Variants in KBTBD11 observed in about 807,000 individuals in gnomAD.
KBTBD11 encodes the protein kelch repeat and BTB domain containing 11, also known as kelch repeat and BTB domain-containing protein 11.
For missense variants in KBTBD11, 1,390 were observed against 1,001.8 expected (o/e 1.39, Z -5.23); for synonymous variants, 747 against 499.0 (o/e 1.50, Z -6.63).
At position 2,006,649 on chromosome 8, in the gene KBTBD11, C is replaced by A. The variant is rs956958993; in HGVS notation, c.*3585C>A. ...GTGCTGGCAGGAGCTTCAGACACGC[C>A]AAGTGGATGGATTTGGATTGAACGC... On this transcript the variant is annotated 3_prime_UTR_variant, in exon 2 of 2. Coordinates refer to ENST00000320248, the MANE Select transcript of KBTBD11 (RefSeq NM_014867.3). 1 of 167,102 alleles carries A rather than the reference C, an allele frequency of 6.0e-6. No individual in the cohort carries two copies. Among genetic ancestry groups the A allele is most frequent in the Non-Finnish European group, 1.5e-5 (1 of 68,130 alleles). The allele number at this position is 167,102 out of a possible 1,614,324, so 10.4% of individuals were successfully genotyped here. A position where few individuals can be genotyped will look rare whatever the true frequency, so the allele number is the denominator to read the frequency against.
rs542057336 is a variant in KBTBD11 at position 2,003,769 on chromosome 8, G to A, written c.*705G>A. ...GACCGAGGGGGCTTTCATATTTTCA[G>A]TTGAAAGGATGTTAACTGATGTAGC... On this transcript the variant is annotated 3_prime_UTR_variant, in exon 2 of 2. Transcript: ENST00000320248. The A allele has an allele frequency of 6.0e-6, 1 of 167,140 alleles. No homozygotes were observed. Among genetic ancestry groups the A allele is most frequent in the South Asian group, 2.1e-4 (1 of 4,824 alleles). The allele number at this position is 167,140 out of a possible 1,614,324, so 10.4% of individuals were successfully genotyped here.
chr8:1,984,580 C>T (rs879298700), intron 1 of KBTBD11, among the ~76,000 whole-genome samples: 3 of 152,018 alleles, frequency 2.0e-5, no homozygotes, highest in Non-Finnish European at 4.4e-5. Context: ...AGCCTCCACG[C>T]GTGGCCCCGT....
chr8:2,002,216 C>T lies in KBTBD11; in HGVS notation c.1024C>T (p.Arg342Trp). The T allele has an allele frequency of 7.9e-7, 1 of 1,261,312 alleles. No homozygotes were observed. The highest frequency in any genetic ancestry group is 9.9e-7 in the Non-Finnish European group (1 of 1,007,628). 78.1% of individuals were successfully genotyped at this position (1,261,312 alleles called of 1,614,324 possible). A position where few individuals can be genotyped will look rare whatever the true frequency, so the allele number is the denominator to read the frequency against. ...AAAGEWRELT[R>W]LPEGAPARGC... ...GGCCGGAGAGTGGCGCGAGCTGACG[C>T]GGCTGCCCGAGGGCGCGCCGGCGCG... Residue 342 changes from arginine (R) to tryptophan (W), a missense_variant, in exon 2 of 2, where the codon CGG becomes TGG. Arg to Trp is a moderately radical substitution (Grantham distance 101, BLOSUM62 -3). Coordinates refer to ENST00000320248, the MANE Select transcript of KBTBD11 (RefSeq NM_014867.3). This position sits in a 1 kb window ranked among gnomAD's most constrained non-coding sequence, Gnocchi z 4.1.
At chr8:1,978,844 A>C (rs1816441019) in intron 1 of KBTBD11, among the ~76,000 whole-genome samples, 2 of 65,382 alleles carry the variant, frequency 3.1e-5, no homozygotes, top group Admixed American at 3.4e-4. Context: ...CTGTTGTGGC[A>C]TCAAGACTTG....
At chr8:1,987,336 T>G (rs891557277) in intron 1 of KBTBD11, among the ~76,000 whole-genome samples, 34 of 152,354 alleles carry the variant, frequency 2.2e-4, no homozygotes, top group African/African-American at 7.5e-4. Flanking sequence ...CTAGGTCATT[T>G]ATTTGAACAG....
At chr8:1,974,335 G>A in intron 1 of KBTBD11, 9 of 984,170 alleles carry the variant, frequency 9.1e-6, no homozygotes, top group Non-Finnish European at 1.1e-5. Context: ...CGCAGTCACC[G>A]CCCCCGCCGA....
At position 1,981,410 on chromosome 8, in the gene KBTBD11, C is replaced by T. The variant is rs142704400; in HGVS notation, c.-909+7475C>T. 5.2e-3 allele frequency among the ~76,000 whole-genome samples: 784 copies of T among 152,192 alleles called. 11 individuals carry two copies. The highest frequency in any genetic ancestry group is 0.018 in the African/African-American group (751 of 41,506). ...AATTCACAATACTCTAACACTGTAA[C>T]GATGGTATGTAAATTAACTACATCT... On this transcript the variant is annotated intron_variant, in intron 1 of 1. Transcript: ENST00000320248.
In KBTBD11 at chr8:2,001,293, C is replaced by T. The variant is rs1817338590; in HGVS notation, c.101C>T (p.Pro34Leu). 6.5e-7 allele frequency: 1 copy of T among 1,527,058 alleles called. No homozygotes were observed. The highest frequency in any genetic ancestry group is 8.7e-7 in the Non-Finnish European group (1 of 1,145,508). The allele number at this position is 1,527,058 out of a possible 1,614,324, so 94.6% of individuals were successfully genotyped here. Residue 34 changes from proline (P) to leucine (L), a missense_variant, in exon 2 of 2, where the codon CCC (proline) becomes CTC (leucine). Pro to Leu is a moderately conservative substitution (Grantham distance 98). Transcript: ENST00000320248. ...SEGAASPAQT[P>L]CSLGASLCFS... Reference sequence around the variant, plus strand: ...GGCGCCGCGTCCCCGGCGCAGACACCCTGCAGTCTCGGCGCGTCCCTGTGC... The same window carrying T: ...GGCGCCGCGTCCCCGGCGCAGACACTCTGCAGTCTCGGCGCGTCCCTGTGC...
chr8:1,980,244 T>C (rs1816494872), intron 1 of KBTBD11, among the ~76,000 whole-genome samples: 1 of 151,190 alleles, frequency 6.6e-6, no homozygotes, highest in African/African-American at 2.4e-5. Flanking sequence ...TTTTTTTTTT[T>C]TGAGATGGGG....
At position 2,000,971 on chromosome 8, in the gene KBTBD11, C is replaced by T; in HGVS notation, c.-222C>T. The T allele has an allele frequency of 2.1e-6, 1 of 480,278 alleles. No homozygotes were observed. Among genetic ancestry groups the T allele is most frequent in the East Asian group, 3.5e-5 (1 of 28,246 alleles). The allele number at this position is 480,278 out of a possible 1,614,324, so 29.8% of individuals were successfully genotyped here. On this transcript the variant is annotated 5_prime_UTR_variant, in exon 2 of 2. Transcript: ENST00000320248. ...GAAGTTCAGCAAGTCGGACACACCC[C>T]TCCTCGCTGGAGAGGAGAGGGCAAA... is the stretch of plus-strand genomic sequence containing the variant.
In KBTBD11 at chr8:2,005,810, A is replaced by G. The variant is rs1031310192; in HGVS notation, c.*2746A>G. ...ACGCAGGGGCCTTTCCAAATGTCTG[A>G]AAAGGCAGTGGTGTCTTTTGGGGAA... On this transcript the variant is annotated 3_prime_UTR_variant, in exon 2 of 2. Coordinates refer to ENST00000320248, the MANE Select transcript of KBTBD11 (RefSeq NM_014867.3). The G allele has an allele frequency of 2.4e-5, 4 of 167,098 alleles. No individual in the cohort carries two copies. The highest frequency in any genetic ancestry group is 9.6e-5 in the African/African-American group (4 of 41,460). 10.4% of individuals were successfully genotyped at this position (167,098 alleles called of 1,614,324 possible).
intron 1 of KBTBD11, among the ~76,000 whole-genome samples, chr8:1,996,188 G>T (rs1483238714): frequency 2.0e-5 from 3 of 152,346 alleles, no homozygotes; most frequent in South Asian, 2.1e-4. Context: ...TGTGGGCACG[G>T]CCCACCCAGG....
At chr8:1,984,537 T>C (rs1430835637) in intron 1 of KBTBD11, among the ~76,000 whole-genome samples, 1 of 152,056 alleles carries the variant, frequency 6.6e-6, no homozygotes, top group Admixed American at 6.6e-5. Context: ...TCCCCCCGCC[T>C]CAGCCTCCCA....
chr8:1,990,238 G>C (rs1428457714), intron 1 of KBTBD11, among the ~76,000 whole-genome samples: 1 of 144,796 alleles, frequency 6.9e-6, no homozygotes, highest in African/African-American at 2.6e-5. Context: ...TTGGTGCCCT[G>C]TCTGGGTAGA....
chr8:1,978,269 C>T (rs1044238118), intron 1 of KBTBD11, among the ~76,000 whole-genome samples: 4 of 152,212 alleles, frequency 2.6e-5, no homozygotes, highest in Admixed American at 6.5e-5. Flanking sequence ...TTCCTGTATT[C>T]GTAGCAATAG....
rs1554527404 is a variant in KBTBD11, at chr8:1,993,958, C to CACACACACAAAA, written c.-908-6326_-908-6325insCACACACAAAAA. ...ACACACACACACACACACACACACA[C>CACACACACAAAA]AAAACCCCATAGATGGTTTATCAGG... On this transcript the variant is annotated intron_variant, in intron 1 of 1. Transcript: ENST00000320248. Among the ~76,000 whole-genome samples, 6 of 148,244 alleles carry CACACACACAAAA rather than the reference C, an allele frequency of 4.0e-5. No individual in the cohort carries two copies. In the South Asian group the frequency reaches 1.3e-3, roughly 32 times the overall value.
intron 1 of KBTBD11, among the ~76,000 whole-genome samples, chr8:1,995,413 A>C (rs908312447): frequency 1.3e-5 from 2 of 152,188 alleles, no homozygotes; most frequent in Non-Finnish European, 2.9e-5. Flanking sequence ...TTTTACAAGG[A>C]AAATGTATTT....
chr8:2,005,205 T>G lies in KBTBD11; in HGVS notation c.*2141T>G, dbSNP rs1261327127. 1.2e-5 allele frequency: 2 copies of G among 167,036 alleles called. No homozygotes were observed. The highest frequency in any genetic ancestry group is 2.9e-5 in the Non-Finnish European group (2 of 68,136). 10.3% of individuals were successfully genotyped at this position (167,036 alleles called of 1,614,324 possible). ...ACACTAGATGTAGCACAGCTTCCTGTGGGGCCCGGCAGCAAAGCCCCAGGT... is the reference window on the plus strand; with the variant it reads ...ACACTAGATGTAGCACAGCTTCCTGGGGGGCCCGGCAGCAAAGCCCCAGGT... On this transcript the variant is annotated 3_prime_UTR_variant, in exon 2 of 2. Coordinates refer to ENST00000320248, the MANE Select transcript of KBTBD11 (RefSeq NM_014867.3).
At chr8:1,973,994 CG>C (rs1391853628) in intron 1 of KBTBD11, 59 bp downstream of exon 1, 1 of 925,758 alleles carries the variant, frequency 1.1e-6, no homozygotes, top group African/African-American at 1.9e-5. Context: ...GGAAGCAGCC[CG>C]AGGCGCGGGT....
Sources: allele counts gnomAD v4.1 joint callset (sites outside exome capture counted in the v4.1 genomes callset), GRCh38; gene constraint gnomAD v4.1.1; non-coding constraint Gnocchi (gnomAD v3.1); transcripts MANE v1.5; gene names NCBI Gene and HGNC (gene_info 2026-07-23, HGNC 2026-07-21).